The following TNFSF4 variants were observed in gnomAD, a reference collection of about 807,000 sequenced individuals.
The protein encoded by TNFSF4 is tumor necrosis factor ligand superfamily member 4.
A neutral mutation model predicts 7.3 loss-of-function variants in TNFSF4; 4 were observed. The observed-to-expected ratio is 0.55, with a 90% CI of 0.27 to 1.25. The LOEUF (loss-of-function observed/expected upper bound fraction) is 1.25, where lower values mean the gene tolerates loss of function less well. TNFSF4 is among the 50% of genes most tolerant of loss of function. The pLI is 0.12. For synonymous variants in TNFSF4, 76 were observed against 83.7 expected, an observed-to-expected ratio of 0.91 and a Z score of 0.50; for missense variants, 181 against 208.8, an observed-to-expected ratio of 0.87 and a Z score of 0.82.
chr1:173,365,412 T>C, the TNFSF4 span, among the ~76,000 whole-genome samples: 13 of 152,334 alleles, frequency 8.5e-5, 1 homozygote, highest in South Asian at 2.7e-3. Context: ...TCAAATTTCA[T>C]TATTGTTAAT....
chr1:173,326,623 G>A, the TNFSF4 span, among the ~76,000 whole-genome samples: 5 of 152,094 alleles, frequency 3.3e-5, no homozygotes, highest in African/African-American at 7.2e-5. Context: ...AAACCCCATT[G>A]TCTCAGCCCA....
the TNFSF4 span, among the ~76,000 whole-genome samples, chr1:173,368,357 C>G: frequency 6.6e-6 from 1 of 152,148 alleles, no homozygotes; most frequent in Non-Finnish European, 1.5e-5. Flanking sequence ...TCAGCGAGAC[C>G]ACAAAACCAC....
chr1:173,219,382 A>G, the TNFSF4 span, among the ~76,000 whole-genome samples: 1 of 152,162 alleles, frequency 6.6e-6, no homozygotes, highest in Non-Finnish European at 1.5e-5. Context: ...ATTAGTGACT[A>G]TTTACCTTTA....
At chr1:173,444,925 C>T in the TNFSF4 span, among the ~76,000 whole-genome samples, 1 of 152,138 alleles carries the variant, frequency 6.6e-6, no homozygotes, top group African/African-American at 2.4e-5. Flanking sequence ...GAATTGTATT[C>T]CTCCTAAACA....
chr1:173,197,931 T>C (rs1649775406), intron 1 of TNFSF4, among the ~76,000 whole-genome samples: 1 of 152,252 alleles, frequency 6.6e-6, no homozygotes. Context: ...GATCTGTCTA[T>C]TCTTATGCCA....
intron 1 of TNFSF4, among the ~76,000 whole-genome samples, chr1:173,198,313 A>T (rs777111502): frequency 3.3e-5 from 5 of 152,264 alleles, no homozygotes; most frequent in Non-Finnish European, 7.3e-5. Context: ...ATTGGAATAA[A>T]GTGTCTAATG....
At chr1:173,276,579 C>G in the TNFSF4 span, among the ~76,000 whole-genome samples, 1 of 152,306 alleles carries the variant, frequency 6.6e-6, no homozygotes, top group East Asian at 1.9e-4. Context: ...AGGAAAGGAG[C>G]TGAAGTCTAG....
chr1:173,296,065 A>C, the TNFSF4 span, among the ~76,000 whole-genome samples: 1 of 152,042 alleles, frequency 6.6e-6, no homozygotes, highest in Non-Finnish European at 1.5e-5. Flanking sequence ...ACCCTAGTAC[A>C]TTCCTATTAA....
chr1:173,326,488 T>C, the TNFSF4 span, among the ~76,000 whole-genome samples: 1 of 152,006 alleles, frequency 6.6e-6, no homozygotes, highest in African/African-American at 2.4e-5. Flanking sequence ...ACCACTCCTA[T>C]TCAACATAGT....
the TNFSF4 span, among the ~76,000 whole-genome samples, chr1:173,311,114 G>A: frequency 6.6e-6 from 1 of 151,800 alleles, no homozygotes. Context: ...TTTTAATGTT[G>A]TTAGTGATCA....
chr1:173,410,789 G>A, the TNFSF4 span, among the ~76,000 whole-genome samples: 2 of 152,142 alleles, frequency 1.3e-5, no homozygotes, highest in Non-Finnish European at 1.5e-5. Context: ...AGAAGACCTT[G>A]GTGCTCCTTG....
chr1:173,241,500 C>G, the TNFSF4 span, among the ~76,000 whole-genome samples: 1 of 152,210 alleles, frequency 6.6e-6, no homozygotes, highest in Non-Finnish European at 1.5e-5. Context: ...TACTCTCTAT[C>G]CACAGCATTA....
the TNFSF4 span, among the ~76,000 whole-genome samples, chr1:173,282,624 A>G: frequency 1.4e-4 from 21 of 151,926 alleles, no homozygotes; most frequent in African/African-American, 4.8e-4. Context: ...ATGCCCAGCT[A>G]ATTTTTGTAT....
At chr1:173,293,729 G>A in the TNFSF4 span, among the ~76,000 whole-genome samples, 4 of 151,968 alleles carry the variant, frequency 2.6e-5, no homozygotes, top group Non-Finnish European at 4.4e-5. Flanking sequence ...TCTGACAAAG[G>A]TCAATATTCA....
the TNFSF4 span, among the ~76,000 whole-genome samples, chr1:173,220,591 G>A: frequency 1.3e-5 from 2 of 152,116 alleles, no homozygotes; most frequent in East Asian, 3.9e-4. Context: ...GGAGGCTTTG[G>A]TATGTAATTA....
chr1:173,309,854 A>C, the TNFSF4 span, among the ~76,000 whole-genome samples: 6 of 152,038 alleles, frequency 3.9e-5, no homozygotes, highest in East Asian at 1.9e-4. Flanking sequence ...TCAATTTCCT[A>C]GTGGTTACAG....
At chr1:173,378,178 G>A in the TNFSF4 span, among the ~76,000 whole-genome samples, 7 of 152,270 alleles carry the variant, frequency 4.6e-5, no homozygotes, top group Admixed American at 2.0e-4. Flanking sequence ...GTGTCAGTGA[G>A]TGCAACTATT....
At chr1:173,288,343 G>C in the TNFSF4 span, among the ~76,000 whole-genome samples, 7 of 152,152 alleles carry the variant, frequency 4.6e-5, no homozygotes, top group Admixed American at 2.0e-4. Flanking sequence ...GGCTGAAGCG[G>C]GAGGACTGCT....
At chr1:173,296,381 A>G in the TNFSF4 span, among the ~76,000 whole-genome samples, 1 of 152,002 alleles carries the variant, frequency 6.6e-6, no homozygotes, top group Non-Finnish European at 1.5e-5. Context: ...GCCAAAGAGG[A>G]AGAAAAAAGT....
Sources: allele counts gnomAD v4.1 joint callset (sites outside exome capture counted in the v4.1 genomes callset), GRCh38; gene constraint gnomAD v4.1.1; transcripts MANE v1.5; gene names NCBI Gene and HGNC (gene_info 2026-07-23, HGNC 2026-07-21).